Variants in ANKS1B observed in about 807,000 individuals in gnomAD.
ANKS1B encodes the protein ankyrin repeat and sterile alpha motif domain-containing protein 1B.
In ANKS1B, 36 loss-of-function variants were observed where a neutral mutation model predicts 148.3. The observed-to-expected ratio is 0.24, with a 90% CI of 0.19 to 0.32. The LOEUF is 0.32. ANKS1B is among the 10% of genes least tolerant of loss of function. ANKS1B has a pLI of 1.00. For missense variants in ANKS1B, 1,157 were observed against 1,542.6 expected, an observed-to-expected ratio of 0.75 and a Z score of 4.19; for synonymous variants, 542 against 560.8, an observed-to-expected ratio of 0.97 and a Z score of 0.47.
chr12:99,860,550 T>A (rs890836111), intron 1 of ANKS1B, among the ~76,000 whole-genome samples: 1 of 152,136 alleles, frequency 6.6e-6, no homozygotes, highest in African/African-American at 2.4e-5. Flanking sequence ...TTTAGAAAGA[T>A]CCCTCTGGAG....
At chr12:99,849,702 T>C (rs1256363883) in intron 1 of ANKS1B, among the ~76,000 whole-genome samples, 1 of 152,056 alleles carries the variant, frequency 6.6e-6, no homozygotes. Flanking sequence ...CAAAAATGTG[T>C]CTTACAAACA....
intron 9 of ANKS1B, among the ~76,000 whole-genome samples, chr12:99,626,647 C>G (rs141346779): frequency 0.01 from 1,552 of 152,256 alleles, 7 homozygotes; most frequent in Non-Finnish European, 0.016. Context: ...ATTCTTTACC[C>G]ACCTTTATAA....
intron 1 of ANKS1B, among the ~76,000 whole-genome samples, chr12:99,826,961 TA>T (rs2083270151): frequency 6.6e-6 from 1 of 151,366 alleles, no homozygotes. Context: ...AAATAAAGAA[TA>T]AAAAAAATTA....
chr12:99,443,904 T>G lies in ANKS1B; in HGVS notation c.1439-95A>C, dbSNP rs114314409. The stretch of plus-strand genomic sequence containing the variant: ...TCTGAACATAAATTGAGATTTCAAC[T>G]TTTAAAACTGGTATCAATTACAAGA... On this transcript the variant is annotated intron_variant, in intron 10 of 26. Transcript: ENST00000683438. 996 of 1,386,160 alleles carry G rather than the reference T, an allele frequency of 7.2e-4. 3 individuals are homozygous for G. In the African/African-American group the frequency reaches 0.013, roughly 19 times the overall value. The allele number at this position is 1,386,160 out of a possible 1,614,324, so 85.9% of individuals were successfully genotyped here.
rs528564929 is a variant in ANKS1B, at chr12:99,853,416, G to A, written c.135-28027C>T. Among the ~76,000 whole-genome samples the A allele has an allele frequency of 4.6e-5, 7 of 152,186 alleles. No individual in the cohort carries two copies. In the East Asian group the frequency reaches 5.8e-4, roughly 13 times the overall value. On this transcript the variant is annotated intron_variant, in intron 1 of 26. Coordinates refer to ENST00000683438, the MANE Select transcript of ANKS1B (RefSeq NM_001352186.2). ...AACAGATCACATCACAGGACTCTTCGTAGACACTCCCCAGTACCAGCCCAG... is the reference window on the plus strand; with the variant it reads ...AACAGATCACATCACAGGACTCTTCATAGACACTCCCCAGTACCAGCCCAG...
At chr12:99,010,735 C>CATT (rs1004546325) in intron 17 of ANKS1B, among the ~76,000 whole-genome samples, 278 of 149,030 alleles carry the variant, frequency 1.9e-3, no homozygotes, top group Admixed American at 3.9e-3. Context: ...ACAACTCCAG[C>CATT]ATTATTATTA....
intron 8 of ANKS1B, among the ~76,000 whole-genome samples, chr12:99,769,506 C>G (rs1424356844): frequency 6.6e-6 from 1 of 152,184 alleles, no homozygotes; most frequent in African/African-American, 2.4e-5. Context: ...GAGAACTCTC[C>G]TACACAAGAA....
chr12:99,011,964 G>A (rs1188943067), intron 17 of ANKS1B, among the ~76,000 whole-genome samples: 1 of 152,188 alleles, frequency 6.6e-6, no homozygotes, highest in African/African-American at 2.4e-5. Flanking sequence ...TTGAAATCAA[G>A]GGAAAGTTGT....
intron 9 of ANKS1B, among the ~76,000 whole-genome samples, chr12:99,654,422 T>G (rs2098440157): frequency 6.6e-6 from 1 of 152,234 alleles, no homozygotes. Context: ...TGTGCAGAGA[T>G]ATTTTCACCA....
At chr12:99,587,474 T>C (rs1376442918) in intron 9 of ANKS1B, among the ~76,000 whole-genome samples, 3 of 152,242 alleles carry the variant, frequency 2.0e-5, no homozygotes, top group Non-Finnish European at 4.4e-5. Context: ...AGATGTGTAA[T>C]ATGTCATCTC....
rs533167557 is a variant in ANKS1B, at chr12:99,201,622, C to A, written c.2419+42720G>T. 7.9e-4 allele frequency among the ~76,000 whole-genome samples: 121 copies of A among 152,252 alleles called. 1 individual carries two copies. The highest frequency in any genetic ancestry group is 1.6e-3 in the Non-Finnish European group (109 of 68,018). ...TTAGGTGAGCTTTCAGGTGTGCAGG[C>A]AATTTGCATGATAAATTTTGCATGT... On this transcript the variant is annotated intron_variant, in intron 14 of 26. Transcript: ENST00000683438.
At chr12:99,738,730 T>A (rs768165178) in intron 8 of ANKS1B, among the ~76,000 whole-genome samples, 5 of 152,178 alleles carry the variant, frequency 3.3e-5, no homozygotes, top group Non-Finnish European at 5.9e-5. Flanking sequence ...CAGAACTTTA[T>A]TGAAGGAAGG....
chr12:98,997,547 G>A (rs2099930443), intron 17 of ANKS1B, among the ~76,000 whole-genome samples: 1 of 151,794 alleles, frequency 6.6e-6, no homozygotes, highest in South Asian at 2.1e-4. Context: ...GACTACAGGT[G>A]TGCCCAGTTA....
At chr12:99,585,410 C>T (rs761541513) in intron 9 of ANKS1B, among the ~76,000 whole-genome samples, 5 of 152,186 alleles carry the variant, frequency 3.3e-5, no homozygotes, top group Non-Finnish European at 5.9e-5. Flanking sequence ...CAGCCCCCCT[C>T]CCGGCTACTT....
intron 12 of ANKS1B, among the ~76,000 whole-genome samples, chr12:99,389,553 A>G (rs549892701): frequency 5.3e-5 from 8 of 152,218 alleles, no homozygotes; most frequent in African/African-American, 9.6e-5. Context: ...TCACACATAT[A>G]TCACACAAAT....
intron 12 of ANKS1B, among the ~76,000 whole-genome samples, chr12:99,379,628 A>G (rs2093554106): frequency 6.6e-6 from 1 of 152,226 alleles, no homozygotes; most frequent in Non-Finnish European, 1.5e-5. Context: ...GAAAATTGCT[A>G]CAGAAGACTT....
rs530389775 is a variant in ANKS1B, at chr12:99,110,669, A to G, written c.2527-25646T>C. Among the ~76,000 whole-genome samples, 230 of 152,344 alleles carry G rather than the reference A, an allele frequency of 1.5e-3. 1 individual carries two copies. The highest frequency in any genetic ancestry group is 5.4e-3 in the African/African-American group (224 of 41,570). ...TTCTCTATTGCTTGGTTTGAAAAAT[A>G]AAAGCGTTTCTGAGAAATATTAGAA... On this transcript the variant is annotated intron_variant, in intron 15 of 26. Transcript: ENST00000683438.
chr12:98,777,570 G>C (rs1210922362), intron 24 of ANKS1B, among the ~76,000 whole-genome samples: 1 of 152,178 alleles, frequency 6.6e-6, no homozygotes, highest in Non-Finnish European at 1.5e-5. Context: ...TTCCCTGCTA[G>C]AGCAACCTTT....
intron 15 of ANKS1B, among the ~76,000 whole-genome samples, chr12:99,129,372 T>C (rs545308280): frequency 3.5e-4 from 53 of 152,146 alleles, no homozygotes; most frequent in African/African-American, 1.2e-3. Flanking sequence ...ACATGTAGCA[T>C]GGAGGGTGGG....
Sources: allele counts gnomAD v4.1 joint callset (sites outside exome capture counted in the v4.1 genomes callset), GRCh38; gene constraint gnomAD v4.1.1; transcripts MANE v1.5; gene names NCBI Gene and HGNC (gene_info 2026-07-23, HGNC 2026-07-21).